The following SPRED2 variants were observed in gnomAD, a reference collection of about 807,000 sequenced individuals.
SPRED2 encodes sprouty-related, EVH1 domain-containing protein 2.
A neutral mutation model predicts 43.0 loss-of-function variants in SPRED2; 47 were observed. The observed-to-expected ratio is 1.09, with a 90% CI of 0.87 to 1.40. The LOEUF is 1.40. SPRED2 is among the 40% of genes most tolerant of loss of function. The pLI is 0.00. For missense variants in SPRED2, 561 were observed against 586.4 expected (o/e 0.96, Z 0.45); for synonymous variants, 225 against 225.7 (o/e 1.00, Z 0.03).
chr2:65,358,657 T>G (rs1202506254), intron 1 of SPRED2, among the ~76,000 whole-genome samples: 2 of 152,256 alleles, frequency 1.3e-5, no homozygotes, highest in Non-Finnish European at 2.9e-5. Flanking sequence ...GTTGCTTCAA[T>G]GTGACAAATA....
At chr2:65,402,174 G>A (rs368659135) in intron 1 of SPRED2, among the ~76,000 whole-genome samples, 6 of 150,480 alleles carry the variant, frequency 4.0e-5, no homozygotes, top group African/African-American at 1.5e-4. Flanking sequence ...AGCTACTCGG[G>A]AGCCTGAGGC....
chr2:65,307,971 G>A (rs1200981482), downstream of SPRED2, among the ~76,000 whole-genome samples: 1 of 144,330 alleles, frequency 6.9e-6, no homozygotes, highest in Non-Finnish European at 1.5e-5. Flanking sequence ...TCACACAGAT[G>A]GCCCTGTGAT....
chr2:65,319,262 T>C (rs1673337698), intron 4 of SPRED2, among the ~76,000 whole-genome samples: 1 of 152,162 alleles, frequency 6.6e-6, no homozygotes, highest in African/African-American at 2.4e-5. Context: ...CCCCAAGCCA[T>C]GGTGACTAAT....
intron 1 of SPRED2, among the ~76,000 whole-genome samples, chr2:65,356,668 C>A (rs1302127133): frequency 1.3e-5 from 2 of 150,164 alleles, no homozygotes; most frequent in African/African-American, 4.9e-5. Flanking sequence ...TCTAAACCTA[C>A]AAAATCCTTT....
chr2:65,339,713 A>AT (rs1183867838), intron 2 of SPRED2, among the ~76,000 whole-genome samples: 2 of 113,074 alleles, frequency 1.8e-5, no homozygotes, highest in Non-Finnish European at 3.4e-5. Context: ...AAAAAATAAA[A>AT]TAAAATTAAA....
rs1440705122 is a variant in SPRED2 at position 65,313,272 on chromosome 2, G to T, written c.*229C>A. On this transcript the variant is annotated 3_prime_UTR_variant, in exon 6 of 6. Transcript: ENST00000356388. The stretch of plus-strand genomic sequence containing the variant: ...GAAGGTTCCTTCCTCAGAACACTGT[G>T]CGAGCGTGTGTGTATGGATGTGGCT... 6 of 1,383,736 alleles carry T rather than the reference G, an allele frequency of 4.3e-6. No homozygotes were observed. The highest frequency in any genetic ancestry group is 5.6e-6 in the Non-Finnish European group (6 of 1,073,164). The allele number at this position is 1,383,736 out of a possible 1,614,324, so 85.7% of individuals were successfully genotyped here. A position where few individuals can be genotyped will look rare whatever the true frequency, so the allele number is the denominator to read the frequency against.
intron 1 of SPRED2, among the ~76,000 whole-genome samples, chr2:65,428,298 T>C (rs1218450760): frequency 1.3e-5 from 2 of 152,180 alleles, no homozygotes; most frequent in Admixed American, 6.5e-5. Flanking sequence ...AAAACTGACA[T>C]GACATATGAA....
intron 1 of SPRED2, among the ~76,000 whole-genome samples, chr2:65,388,118 G>C (rs1675544976): frequency 6.6e-6 from 1 of 152,206 alleles, no homozygotes; most frequent in African/African-American, 2.4e-5. Context: ...CCACCACGAT[G>C]CAGCCATGCA....
chr2:65,420,299 T>C (rs1446832176), intron 1 of SPRED2, among the ~76,000 whole-genome samples: 1 of 152,138 alleles, frequency 6.6e-6, no homozygotes, highest in Non-Finnish European at 1.5e-5. Context: ...GATTTCCCAT[T>C]GTACCCACCT....
At chr2:65,370,379 C>T (rs1675095478) in intron 1 of SPRED2, among the ~76,000 whole-genome samples, 1 of 152,170 alleles carries the variant, frequency 6.6e-6, no homozygotes, top group African/African-American at 2.4e-5. Flanking sequence ...CAGAGGTGGG[C>T]AAATTATGGC....
At chr2:65,310,200 C>A (rs115154916), downstream of SPRED2, among the ~76,000 whole-genome samples, 436 of 152,190 alleles carry the variant, frequency 2.9e-3, 1 homozygote, top group African/African-American at 0.01. Flanking sequence ...AGAGTTAAAA[C>A]TGAAACGTTA....
rs761100467 is a variant in SPRED2, at chr2:65,311,669, T to C, written c.*1832A>G. On this transcript the variant is annotated 3_prime_UTR_variant, in exon 6 of 6. Transcript: ENST00000356388. ...TTCTCTTTTCTTCCATCAATCCAGA[T>C]GGACAGCTCTCTGCTCCTTTTCCAA... 2.0e-6 allele frequency: 2 copies of C among 985,676 alleles called. No homozygotes were observed. Among genetic ancestry groups the C allele is most frequent in the Non-Finnish European group, 2.4e-6 (2 of 829,946 alleles). The allele number at this position is 985,676 out of a possible 1,614,324, so 61.1% of individuals were successfully genotyped here.
intron 2 of SPRED2, among the ~76,000 whole-genome samples, chr2:65,337,062 C>G (rs551891213): frequency 4.0e-5 from 6 of 151,888 alleles, no homozygotes; most frequent in African/African-American, 1.2e-4. Context: ...GGGCCGAGAT[C>G]GTGCCACTGC....
At chr2:65,323,871 G>A (rs1043096605) in intron 4 of SPRED2, among the ~76,000 whole-genome samples, 6 of 151,938 alleles carry the variant, frequency 3.9e-5, no homozygotes, top group African/African-American at 9.7e-5. Context: ...GCAAGACTCC[G>A]TCTCAAAAAA....
rs141094707 is a variant in SPRED2, at chr2:65,363,239, C to CAA, written c.27-18345_27-18344dup. 6.8e-3 allele frequency among the ~76,000 whole-genome samples: 698 copies of CAA among 102,784 alleles called. 6 individuals are homozygous for CAA. Among genetic ancestry groups the CAA allele is most frequent in the Non-Finnish European group, 9.8e-3 (520 of 52,850 alleles). 67.4% of individuals were successfully genotyped at this position (102,784 alleles called of 152,430 possible). A position where few individuals can be genotyped will look rare whatever the true frequency, so the allele number is the denominator to read the frequency against. ...GGGCAATAAGAGCAAAACTCCGTCTCAAAAAAAAAAAAAAAAAAAAAAATT... is the reference window on the plus strand; with the variant it reads ...GGGCAATAAGAGCAAAACTCCGTCTCAAAAAAAAAAAAAAAAAAAAAAAAATT... On this transcript the variant is annotated intron_variant, in intron 1 of 5. Transcript: ENST00000356388.
intron 1 of SPRED2, among the ~76,000 whole-genome samples, chr2:65,385,090 A>T (rs112844593): frequency 1.4e-3 from 217 of 150,674 alleles, no homozygotes; most frequent in Middle Eastern, 0.01. Flanking sequence ...CTCCTGTCTC[A>T]GCCTCCCTGA....
rs1462562322 is a variant in SPRED2, at chr2:65,313,805, T to C, written c.953A>G (p.His318Arg). The change falls in exon 6 of 6, where the codon CAC becomes CGC. Residue 318 changes from histidine to arginine, a missense_variant. Physicochemically the swap from His to Arg is conservative, Grantham distance 29. Coordinates refer to ENST00000356388, the MANE Select transcript of SPRED2 (RefSeq NM_181784.3). Reference protein sequence around the residue: ...RCVYCRDMFNHEENRRGHCQD... With the variant: ...RCVYCRDMFNREENRRGHCQD... ...GCAGTGGCCCCGGCGGTTCTCCTCG[T>C]GGTTGAACATGTCCCTGCAGTACAC... The C allele has an allele frequency of 6.2e-7, 1 of 1,613,948 alleles. No homozygotes were observed.
chr2:65,390,944 T>G (rs1177900606), intron 1 of SPRED2, among the ~76,000 whole-genome samples: 3 of 151,734 alleles, frequency 2.0e-5, no homozygotes, highest in Non-Finnish European at 2.9e-5. Context: ...TAAAATTAGC[T>G]GGGTGTGGGG....
chr2:65,349,000 A>G (rs1674429731), intron 1 of SPRED2, among the ~76,000 whole-genome samples: 1 of 151,980 alleles, frequency 6.6e-6, no homozygotes, highest in African/African-American at 2.4e-5. Flanking sequence ...TTCAACATGC[A>G]TATTCCCTTA....
Sources: gnomAD v4.1 joint callset for allele counts (sites outside exome capture counted in the v4.1 genomes callset) on GRCh38, gnomAD v4.1.1 for gene constraint, MANE v1.5 for transcripts, NCBI Gene and HGNC (gene_info 2026-07-23, HGNC 2026-07-21) for gene names.